Variants in TAF1B observed in about 807,000 individuals in gnomAD.
TAF1B encodes the protein TATA-box binding protein associated factor, RNA polymerase I subunit B.
TAF1B carries 61 observed loss-of-function variants against 83.9 expected under a neutral mutation model. That is an observed-to-expected ratio of 0.73 (90% CI 0.59 to 0.90). The LOEUF is 0.90. Ranked by LOEUF, TAF1B falls within the 40% of genes least tolerant of loss-of-function variation. The pLI is 0.00. For missense variants in TAF1B, 625 were observed against 677.0 expected (o/e 0.92, Z 0.85); for synonymous variants, 221 against 224.6 (o/e 0.98, Z 0.14).
In TAF1B at chr2:9,904,967, A is replaced by C; in HGVS notation, c.916A>C (p.Ile306Leu). Residue 306 changes from isoleucine (I) to leucine (L), a missense_variant, in exon 9 of 15, where the codon ATA (isoleucine) becomes CTA (leucine). Coordinates refer to ENST00000263663, the MANE Select transcript of TAF1B (RefSeq NM_005680.3). ...TGAAGACTGCTATCTTCATCCCAAC[A>C]TACTGTGTATGAAATACTTGATGGA... ...ITEDCYLHPN[I>L]LCMKYLMEVN... 1 of 1,612,706 alleles carries C rather than the reference A, an allele frequency of 6.2e-7. No individual in the cohort carries two copies. Among genetic ancestry groups the C allele is most frequent in the Non-Finnish European group, 8.5e-7 (1 of 1,178,792 alleles).
intron 7 of TAF1B, among the ~76,000 whole-genome samples, chr2:9,879,550 A>C (rs2125152996): frequency 6.6e-6 from 1 of 152,316 alleles, no homozygotes; most frequent in African/African-American, 2.4e-5. Flanking sequence ...ATGCAACACA[A>C]AAAAGAGGAT....
intron 5 of TAF1B, among the ~76,000 whole-genome samples, chr2:9,859,386 ATTTTTTT>A (rs34951709): frequency 7.5e-6 from 1 of 133,446 alleles, no homozygotes; most frequent in Non-Finnish European, 1.6e-5. Context: ...CACTATCAGC[ATTTTTTT>A]TTTTTTTTTT....
At chr2:9,847,445 G>A (rs930714414) in intron 2 of TAF1B, among the ~76,000 whole-genome samples, 9 of 152,182 alleles carry the variant, frequency 5.9e-5, no homozygotes, top group African/African-American at 2.2e-4. Flanking sequence ...TTGAAATACA[G>A]TGGGTGGGGA....
chr2:9,930,273 T>C (rs1666171582), intron 14 of TAF1B, among the ~76,000 whole-genome samples: 1 of 152,216 alleles, frequency 6.6e-6, no homozygotes, highest in Admixed American at 6.5e-5. Flanking sequence ...GATGTTAAGA[T>C]GTCGATTTTA....
intron 6 of TAF1B, among the ~76,000 whole-genome samples, chr2:9,873,075 C>T (rs1163613269): frequency 2.0e-5 from 3 of 152,168 alleles, no homozygotes; most frequent in Non-Finnish European, 2.9e-5. Flanking sequence ...TGACCCGAAA[C>T]CTTTGCATGG....
chr2:9,895,970 C>T (rs979381964), intron 8 of TAF1B, among the ~76,000 whole-genome samples: 5 of 152,088 alleles, frequency 3.3e-5, no homozygotes, highest in African/African-American at 1.2e-4. Context: ...GGAAAGTAAA[C>T]TCGCTGTAAT....
In TAF1B at chr2:9,919,766, C is replaced by T. The variant is rs1291897262; in HGVS notation, c.1511C>T (p.Ser504Leu). 1 of 1,614,064 alleles carries T rather than the reference C, an allele frequency of 6.2e-7. No homozygotes were observed. The highest frequency in any genetic ancestry group is 8.5e-7 in the Non-Finnish European group (1 of 1,180,026). Residue 504 changes from serine (S) to leucine (L), a missense_variant, in exon 14 of 15, where the codon TCA becomes TTA. By Grantham distance (145) the Ser-to-Leu change is moderately radical (BLOSUM62 -2). Transcript: ENST00000263663. The part of the protein sequence containing the change: ...LQGVLKEKGQ[S>L]LLTKNSLYWL... ...GGAGTCCTGAAAGAGAAAGGCCAAT[C>T]ACTGCTGACTAAGAATTCATTATAT...
intron 14 of TAF1B, among the ~76,000 whole-genome samples, chr2:9,923,772 G>A (rs1298205056): frequency 7.9e-5 from 12 of 152,204 alleles, no homozygotes; most frequent in African/African-American, 2.9e-4. Flanking sequence ...CCATGTCTGA[G>A]GTAATCGATT....
chr2:9,847,284 C>A (rs1352216325), intron 2 of TAF1B, among the ~76,000 whole-genome samples: 2 of 152,138 alleles, frequency 1.3e-5, no homozygotes, highest in Non-Finnish European at 2.9e-5. Flanking sequence ...TCCTTTCAGA[C>A]GACAGGCTTA....
intron 3 of TAF1B, among the ~76,000 whole-genome samples, chr2:9,849,998 TAC>T (rs1041576974): frequency 2.7e-5 from 4 of 146,584 alleles, no homozygotes; most frequent in Admixed American, 1.4e-4. Context: ...GCTTTAAGGA[TAC>T]ACACACATTA....
chr2:9,866,218 A>G (rs1413671929), intron 5 of TAF1B, among the ~76,000 whole-genome samples: 2 of 152,136 alleles, frequency 1.3e-5, no homozygotes, highest in Non-Finnish European at 2.9e-5. Flanking sequence ...AGAATCTACA[A>G]TGAACTCAAA....
intron 14 of TAF1B, among the ~76,000 whole-genome samples, chr2:9,930,543 T>C (rs1666180927): frequency 6.6e-6 from 1 of 152,222 alleles, no homozygotes; most frequent in African/African-American, 2.4e-5. Context: ...TTTGTTGTGA[T>C]TTCTGTTCTT....
intron 14 of TAF1B, among the ~76,000 whole-genome samples, chr2:9,931,741 T>C (rs2125187871): frequency 6.6e-6 from 1 of 152,362 alleles, no homozygotes; most frequent in Non-Finnish European, 1.5e-5. Flanking sequence ...GAAGTTCTCC[T>C]GGATAATATC....
intron 9 of TAF1B, among the ~76,000 whole-genome samples, chr2:9,909,420 C>T (rs145644481): frequency 1.4e-4 from 22 of 152,278 alleles, no homozygotes; most frequent in Non-Finnish European, 2.9e-4. Flanking sequence ...TTCAGCCAGG[C>T]AGAGCCTGAG....
chr2:9,923,198 A>T (rs1665930034), intron 14 of TAF1B, among the ~76,000 whole-genome samples: 2 of 150,302 alleles, frequency 1.3e-5, no homozygotes, highest in Non-Finnish European at 3.0e-5. Flanking sequence ...AGAGCACACC[A>T]CTGCACTCCA....
chr2:9,863,226 G>C (rs1663838971), intron 5 of TAF1B, among the ~76,000 whole-genome samples: 1 of 152,136 alleles, frequency 6.6e-6, no homozygotes, highest in African/African-American at 2.4e-5. Context: ...GACACACATA[G>C]GCTCAAAGTA....
Position 9,845,323 on chromosome 2 carries a change from G to A in TAF1B, c.117+5G>A, listed in dbSNP as rs775826788. ...TCTTGCCACAATGTTACAGAGGTAA[G>A]TAACAAATATCATTTATGAATTTGC... On this transcript the variant is annotated splice_donor_5th_base_variant and intron_variant, in intron 2 of 14. Coordinates refer to ENST00000263663, the MANE Select transcript of TAF1B (RefSeq NM_005680.3). 8 of 1,609,838 alleles carry A rather than the reference G, an allele frequency of 5.0e-6. No homozygotes were observed. The Admixed American group carries it at 5.0e-5, about 10-fold the overall frequency.
chr2:9,910,747 A>C lies in TAF1B; in HGVS notation c.967A>C (p.Ser323Arg), dbSNP rs755864987. The C allele has an allele frequency of 1.4e-5, 23 of 1,610,674 alleles. No individual in the cohort carries two copies. In the South Asian group the frequency reaches 2.4e-4, roughly 17 times the overall value. ...GTTTTGTTCTTCAGATGAAATGCAT[A>C]GCTTAACTTGCCACGTGGTAAAAAT... is the stretch of plus-strand genomic sequence containing the variant. ...MEVNLPDEMH[S>R]LTCHVVKMTG... The change falls in exon 10 of 15, where the codon AGC (serine) becomes CGC (arginine). Residue 323 changes from serine to arginine, a missense_variant. Coordinates refer to ENST00000263663, the MANE Select transcript of TAF1B (RefSeq NM_005680.3).
At chr2:9,862,015 T>G (rs1663784964) in intron 5 of TAF1B, among the ~76,000 whole-genome samples, 1 of 151,586 alleles carries the variant, frequency 6.6e-6, no homozygotes, top group South Asian at 2.1e-4. Flanking sequence ...GCAGAAAAAC[T>G]GTAAACTCTA....
Sources: gnomAD v4.1 joint callset for allele counts (sites outside exome capture counted in the v4.1 genomes callset) on GRCh38, gnomAD v4.1.1 for gene constraint, MANE v1.5 for transcripts, NCBI Gene and HGNC (gene_info 2026-07-23, HGNC 2026-07-21) for gene names.